Variants in MYO10 observed in about 807,000 individuals in gnomAD.
The protein encoded by MYO10 is unconventional myosin-X.
Under a neutral mutation model 257.3 loss-of-function variants are expected in MYO10, and 133 were observed. The observed-to-expected ratio is 0.52, with a 90% CI of 0.45 to 0.60. The LOEUF is 0.60. Among genes scored for constraint, MYO10 ranks in the 20% least tolerant of loss-of-function variants. The probability of loss-of-function intolerance (pLI) is 0.00; values close to 1 mark genes in which losing one functional copy is unlikely to be tolerated. For missense variants in MYO10, 2,399 were observed against 2,635.7 expected, an observed-to-expected ratio of 0.91 and a Z score of 1.97; for synonymous variants, 1,104 against 1,028.6, an observed-to-expected ratio of 1.07 and a Z score of -1.40.
chr5:16,714,829 C>A (rs536107745), intron 19 of MYO10, among the ~76,000 whole-genome samples: 5 of 152,092 alleles, frequency 3.3e-5, no homozygotes, highest in African/African-American at 9.7e-5. Flanking sequence ...ACAACAACAA[C>A]AAAAACAAAT....
chr5:16,689,802 A>C (rs763116775), intron 28 of MYO10, 22 bp downstream of exon 28: 39 of 1,576,114 alleles, frequency 2.5e-5, no homozygotes, highest in Non-Finnish European at 3.2e-5. Flanking sequence ...TGGGTAACAC[A>C]AAGTCAACAG....
In MYO10 at chr5:16,901,097, T is replaced by C. The variant is rs1227643003; in HGVS notation, c.22-23390A>G. Among the ~76,000 whole-genome samples the C allele has an allele frequency of 3.3e-5, 5 of 152,142 alleles. 1 individual carries two copies. The South Asian group carries it at 1.0e-3, about 31-fold the overall frequency. ...AGCAGCCTGTAGACTGTGCATGATC[T>C]GGCTCCTGCCTGCCCCTCCAGCGTT... On this transcript the variant is annotated intron_variant, in intron 1 of 40. Coordinates refer to ENST00000513610, the MANE Select transcript of MYO10 (RefSeq NM_012334.3).
In MYO10 at chr5:16,670,833, C is replaced by T. The variant is rs929385711; in HGVS notation, c.5576G>A (p.Arg1859Lys). ...PPLEEVYSLQ[R>K]LKARISQSTK... ...TGACTGGCTGATGCGGGCCTTGAGT[C>T]TCTGCAGGGAATAAACCTCTTCGAG... Residue 1859 changes from arginine (R) to lysine (K), a missense_variant, in exon 39 of 41, where the codon AGA (arginine) becomes AAA (lysine). By Grantham distance (26) the Arg-to-Lys change is conservative. Transcript: ENST00000513610. 1.9e-6 allele frequency: 3 copies of T among 1,613,892 alleles called. No individual in the cohort carries two copies. In the East Asian group the frequency reaches 6.7e-5, roughly 36 times the overall value.
intron 2 of MYO10, among the ~76,000 whole-genome samples, chr5:16,845,544 A>ATC (rs1270062022): frequency 6.6e-6 from 1 of 152,090 alleles, no homozygotes; most frequent in Non-Finnish European, 1.5e-5. Context: ...GTCCACACTT[A>ATC]GAGTCCCAGC....
In MYO10 at chr5:16,780,539, C is replaced by T; in HGVS notation, c.811G>A (p.Glu271Lys). Residue 271 changes from glutamate (E) to lysine (K), a missense_variant, in exon 8 of 41, where the codon GAA becomes AAA. Coordinates refer to ENST00000513610, the MANE Select transcript of MYO10 (RefSeq NM_012334.3). Reference protein sequence around the residue: ...HIFYALLAGLEHEEREEFYLS... With the variant: ...HIFYALLAGLKHEEREEFYLS... ...TCCCACTCACCTCTTTCTTCATGTT[C>T]CAGCCCTGCCAGCAGTGCATAAAAT... 6.3e-7 allele frequency: 1 copy of T among 1,580,912 alleles called. No homozygotes were observed. The highest frequency in any genetic ancestry group is 8.6e-7 in the Non-Finnish European group (1 of 1,161,648).
At chr5:16,761,050 G>A (rs769198323) in intron 17 of MYO10, among the ~76,000 whole-genome samples, 1 of 152,004 alleles carries the variant, frequency 6.6e-6, no homozygotes, top group Non-Finnish European at 1.5e-5. Context: ...GACTGCAATG[G>A]CGCAATCTTG....
At chr5:16,802,011 T>C (rs1444065456) in intron 3 of MYO10, among the ~76,000 whole-genome samples, 1 of 152,134 alleles carries the variant, frequency 6.6e-6, no homozygotes, top group Non-Finnish European at 1.5e-5. Flanking sequence ...TTATGCTAAG[T>C]GAATTATGAC....
chr5:16,669,408 G>A (rs1003458086), intron 39 of MYO10, among the ~76,000 whole-genome samples: 2 of 152,060 alleles, frequency 1.3e-5, no homozygotes, highest in East Asian at 1.9e-4. Context: ...GTTTCACCGT[G>A]TTAGCCAGGA....
chr5:16,837,135 A>G (rs994902181), intron 2 of MYO10, among the ~76,000 whole-genome samples: 1 of 152,048 alleles, frequency 6.6e-6, no homozygotes, highest in African/African-American at 2.4e-5. Flanking sequence ...ACATGGAGAA[A>G]CCCCATCTCT....
chr5:16,752,531 A>C (rs1284330420), intron 19 of MYO10, among the ~76,000 whole-genome samples: 1 of 151,946 alleles, frequency 6.6e-6, no homozygotes, highest in African/African-American at 2.4e-5. Context: ...CATCCAACCT[A>C]TCTCTCAGCC....
At chr5:16,711,370 C>A in intron 19 of MYO10, 125 bp from the exon 20 acceptor site, 1 of 1,020,724 alleles carries the variant, frequency 9.8e-7, no homozygotes, top group Non-Finnish European at 1.4e-6. Context: ...GAATCTTGAA[C>A]CTACACAGAA....
At chr5:16,784,650 C>T (rs770816831) in intron 4 of MYO10, among the ~76,000 whole-genome samples, 2 of 152,154 alleles carry the variant, frequency 1.3e-5, no homozygotes, top group Non-Finnish European at 2.9e-5. Context: ...CATACAAACG[C>T]CATCACGAGG....
chr5:16,821,823 C>A (rs973755675), intron 2 of MYO10, among the ~76,000 whole-genome samples: 1 of 151,770 alleles, frequency 6.6e-6, no homozygotes, highest in Non-Finnish European at 1.5e-5. Context: ...GTGGAAAAAT[C>A]AAGAGAACTA....
At chr5:16,794,932 T>A in intron 3 of MYO10, 99 bp from the exon 4 acceptor site, 1 of 952,732 alleles carries the variant, frequency 1.0e-6, no homozygotes, top group East Asian at 3.2e-5. Context: ...GGGAAAGACG[T>A]CTTCTGTCTC....
chr5:16,748,834 C>T (rs1167287927), intron 19 of MYO10, among the ~76,000 whole-genome samples: 1 of 152,118 alleles, frequency 6.6e-6, no homozygotes, highest in Non-Finnish European at 1.5e-5. Flanking sequence ...ACCTGAGGGG[C>T]TGAGTCTGAC....
In MYO10 at chr5:16,826,769, C is replaced by A. The variant is rs113754405; in HGVS notation, c.121-8602G>T. Among the ~76,000 whole-genome samples the A allele has an allele frequency of 1.1e-3, 169 of 152,254 alleles. 3 individuals carry two copies. The highest frequency in any genetic ancestry group is 3.6e-3 in the African/African-American group (148 of 41,544). On this transcript the variant is annotated intron_variant, in intron 2 of 40. Transcript: ENST00000513610. ...AATTCCACGTTGTTTCTGGGGATGT[C>A]GCTCTTATTTTCCTCCTTTCGTGTA...
chr5:16,759,019 T>C (rs1196881722), intron 17 of MYO10, among the ~76,000 whole-genome samples: 1 of 151,940 alleles, frequency 6.6e-6, no homozygotes, highest in African/African-American at 2.4e-5. Flanking sequence ...CCTCCCGGGT[T>C]CAAGCGATTC....
At chr5:16,784,940 C>T (rs547252469) in intron 4 of MYO10, among the ~76,000 whole-genome samples, 3 of 152,286 alleles carry the variant, frequency 2.0e-5, no homozygotes, top group Admixed American at 6.5e-5. Context: ...GGGCCAGTGT[C>T]ACGATTCCAC....
chr5:16,858,941 G>C (rs1744037987), intron 2 of MYO10, among the ~76,000 whole-genome samples: 1 of 152,058 alleles, frequency 6.6e-6, no homozygotes, highest in Non-Finnish European at 1.5e-5. Flanking sequence ...ATGGACAACA[G>C]AGCAAGACTC....
Sources: gnomAD v4.1 joint callset for allele counts (sites outside exome capture counted in the v4.1 genomes callset) on GRCh38, gnomAD v4.1.1 for gene constraint, MANE v1.5 for transcripts, NCBI Gene and HGNC (gene_info 2026-07-23, HGNC 2026-07-21) for gene names.